The following PARVA variants were observed in gnomAD, a reference collection of about 807,000 sequenced individuals.
PARVA encodes the protein alpha-parvin.
A neutral mutation model predicts 52.6 loss-of-function variants in PARVA; 25 were observed. The ratio of observed to expected loss-of-function variants is 0.48; its 90% CI spans 0.35 to 0.66. The LOEUF (loss-of-function observed/expected upper bound fraction) is 0.66. Ranked by LOEUF, PARVA falls within the 30% of genes least tolerant of loss-of-function variation. The pLI is 0.01. For missense variants in PARVA, 373 were observed against 450.9 expected (o/e 0.83, Z 1.56); for synonymous variants, 185 against 179.1 (o/e 1.03, Z -0.26).
At chr11:12,397,971 C>T (rs369514923) in intron 1 of PARVA, among the ~76,000 whole-genome samples, 2 of 152,132 alleles carry the variant, frequency 1.3e-5, no homozygotes, top group African/African-American at 4.8e-5. Context: ...CTAAGTGTTC[C>T]ACTAGCCCAG....
chr11:12,484,287 T>C (rs150378654), intron 4 of PARVA, among the ~76,000 whole-genome samples: 8 of 152,196 alleles, frequency 5.3e-5, no homozygotes, highest in African/African-American at 1.9e-4. Flanking sequence ...GTGAATTTCC[T>C]TGTGGTATGT....
chr11:12,529,619 T>C lies in PARVA; in HGVS notation c.*1694T>C, dbSNP rs955775630. On this transcript the variant is annotated 3_prime_UTR_variant, in exon 13 of 13. Transcript: ENST00000334956. ...TCTGGTTTGAGAATTCATTTTGATC[T>C]GTATCTACACCACCCAAAGTTAGGC... 2 of 152,098 alleles carry C rather than the reference T, an allele frequency of 1.3e-5. No homozygotes were observed. Among genetic ancestry groups the C allele is most frequent in the African/African-American group, 4.8e-5 (2 of 41,402 alleles). The allele number at this position is 152,098 out of a possible 1,614,324, so 9.4% of individuals were successfully genotyped here.
chr11:12,377,529 T>C, upstream of PARVA: 1 of 1,446,280 alleles, frequency 6.9e-7, no homozygotes, highest in Non-Finnish European at 9.2e-7. Context: ...CTGCCTCAAA[T>C]GCTTGGAATA....
intron 1 of PARVA, among the ~76,000 whole-genome samples, chr11:12,417,694 G>A (rs1940086924): frequency 6.6e-6 from 1 of 152,116 alleles, no homozygotes; most frequent in Non-Finnish European, 1.5e-5. Context: ...AAGGGCCCAA[G>A]TTAAGTTTGT....
intron 1 of PARVA, among the ~76,000 whole-genome samples, chr11:12,459,668 T>G (rs190255025): frequency 1.3e-5 from 2 of 151,380 alleles, no homozygotes; most frequent in East Asian, 3.9e-4. Flanking sequence ...CCACTTAAAG[T>G]GATATTTTTA....
chr11:12,403,291 A>T (rs1327753717), intron 1 of PARVA, among the ~76,000 whole-genome samples: 1 of 152,226 alleles, frequency 6.6e-6, no homozygotes, highest in Admixed American at 6.5e-5. Context: ...TTTTGCCAGG[A>T]GCAGCCTGAG....
intron 1 of PARVA, among the ~76,000 whole-genome samples, chr11:12,470,594 G>T (rs10831829): frequency 0.25 from 38,161 of 152,082 alleles, 5,867 homozygotes; most frequent in Non-Finnish European, 0.35. Context: ...GAGAAATAGT[G>T]CCAGTCCTTA....
At chr11:12,412,248 T>A (rs879501392) in intron 1 of PARVA, among the ~76,000 whole-genome samples, 24 of 152,190 alleles carry the variant, frequency 1.6e-4, no homozygotes, top group Non-Finnish European at 3.4e-4. Context: ...TGGCACACAG[T>A]AGGTGCTTAA....
At chr11:12,478,242 C>T (rs550801246) in intron 4 of PARVA, 74 of 434,204 alleles carry the variant, frequency 1.7e-4, no homozygotes, top group Non-Finnish European at 2.9e-4. Flanking sequence ...CTAGAAAGCA[C>T]GCCTCCGCCT....
chr11:12,511,630 C>A, intron 8 of PARVA, 97 bp downstream of exon 8: 1 of 1,300,794 alleles, frequency 7.7e-7, no homozygotes, highest in Non-Finnish European at 1.1e-6. Flanking sequence ...AGCTTGTCAC[C>A]TGGATATACG....
intron 1 of PARVA, among the ~76,000 whole-genome samples, chr11:12,442,623 T>C (rs1456913901): frequency 1.3e-5 from 2 of 151,960 alleles, no homozygotes; most frequent in African/African-American, 4.8e-5. Context: ...CACAGGTACA[T>C]TGACTAAGCT....
At chr11:12,487,437 T>C (rs1941173580) in intron 4 of PARVA, among the ~76,000 whole-genome samples, 1 of 152,216 alleles carries the variant, frequency 6.6e-6, no homozygotes, top group African/African-American at 2.4e-5. Context: ...AGCTATTCAA[T>C]TCAGCAACCA....
At chr11:12,509,348 T>G (rs1239745148) in intron 7 of PARVA, among the ~76,000 whole-genome samples, 1 of 152,036 alleles carries the variant, frequency 6.6e-6, no homozygotes. Flanking sequence ...CCAACTTGAG[T>G]TCAAATACAG....
chr11:12,407,517 T>G (rs1238197822), intron 1 of PARVA, among the ~76,000 whole-genome samples: 2 of 152,162 alleles, frequency 1.3e-5, no homozygotes, highest in Non-Finnish European at 2.9e-5. Context: ...CTTTTAAAGG[T>G]GTTTTTTGAA....
At chr11:12,480,386 A>G (rs1252090694) in intron 4 of PARVA, 1 of 152,216 alleles carries the variant, frequency 6.6e-6, no homozygotes, top group Non-Finnish European at 1.5e-5. Flanking sequence ...GCTTCGGCAC[A>G]TGAAGACATG....
chr11:12,508,099 TAAAA>T (rs35314523), intron 6 of PARVA, among the ~76,000 whole-genome samples: 10 of 91,794 alleles, frequency 1.1e-4, no homozygotes, highest in South Asian at 4.5e-4. Flanking sequence ...ATTTATCAGT[TAAAA>T]AAAAAAAAAA....
chr11:12,453,731 G>T (rs1564851027), intron 1 of PARVA, among the ~76,000 whole-genome samples: 1 of 152,186 alleles, frequency 6.6e-6, no homozygotes, highest in Non-Finnish European at 1.5e-5. Flanking sequence ...GAGCTGAAAT[G>T]CCTCCCTGTA....
chr11:12,406,544 G>A (rs953320494), intron 1 of PARVA, among the ~76,000 whole-genome samples: 7 of 150,612 alleles, frequency 4.6e-5, no homozygotes, highest in African/African-American at 7.3e-5. Context: ...ACATTTTCCC[G>A]TAACACCAAA....
intron 1 of PARVA, among the ~76,000 whole-genome samples, chr11:12,428,341 A>G (rs1246838189): frequency 6.6e-6 from 1 of 152,204 alleles, no homozygotes; most frequent in African/African-American, 2.4e-5. Context: ...GGAAAGTAAG[A>G]GGAAAGAAGA....
Sources: allele counts gnomAD v4.1 joint callset (sites outside exome capture counted in the v4.1 genomes callset), GRCh38; gene constraint gnomAD v4.1.1; transcripts MANE v1.5; gene names NCBI Gene and HGNC (gene_info 2026-07-23, HGNC 2026-07-21).